The following BAALC variants were observed in gnomAD, a reference collection of about 807,000 sequenced individuals.
BAALC encodes the protein BAALC binder of MAP3K1 and KLF4.
In BAALC, 9 loss-of-function variants were observed where a neutral mutation model predicts 15.5. That is an observed-to-expected ratio of 0.58 (90% CI 0.35 to 1.02). The LOEUF (loss-of-function observed/expected upper bound fraction) is 1.02. Among genes scored for constraint, BAALC ranks in the 50% least tolerant of loss-of-function variants. BAALC has a pLI of 0.02. For missense variants in BAALC, 201 were observed against 192.4 expected (o/e 1.04, Z -0.27); for synonymous variants, 80 against 74.6 (o/e 1.07, Z -0.37).
At chr8:103,225,426 A>C (rs908165850) in intron 2 of BAALC, among the ~76,000 whole-genome samples, 2 of 152,270 alleles carry the variant, frequency 1.3e-5, no homozygotes, top group Non-Finnish European at 2.9e-5. Context: ...CCCTAAACGC[A>C]GAACCTGAGA....
chr8:103,195,216 A>G (rs928267591), intron 1 of BAALC, among the ~76,000 whole-genome samples: 1 of 152,056 alleles, frequency 6.6e-6, no homozygotes, highest in Non-Finnish European at 1.5e-5. Context: ...GAGGGAAGGA[A>G]AGCCCTATAT....
At chr8:103,157,706 T>TAGC (rs1811128739) in intron 1 of BAALC, among the ~76,000 whole-genome samples, 1 of 152,166 alleles carries the variant, frequency 6.6e-6, no homozygotes, top group Non-Finnish European at 1.5e-5. Flanking sequence ...TCCCAGCTAT[T>TAGC]CTGGAGGCTA....
At chr8:103,200,404 T>G (rs1361554692) in intron 1 of BAALC, among the ~76,000 whole-genome samples, 1 of 152,150 alleles carries the variant, frequency 6.6e-6, no homozygotes, top group Non-Finnish European at 1.5e-5. Flanking sequence ...GAGAAAAATT[T>G]AGTGCCAACT....
chr8:103,151,182 T>A (rs970994345), intron 1 of BAALC, among the ~76,000 whole-genome samples: 3 of 152,050 alleles, frequency 2.0e-5, no homozygotes, highest in Non-Finnish European at 2.9e-5. Flanking sequence ...CACGCCCGGC[T>A]AATTTTTTGT....
intron 1 of BAALC, among the ~76,000 whole-genome samples, chr8:103,180,363 T>C (rs1040535137): frequency 5.3e-5 from 8 of 152,178 alleles, no homozygotes; most frequent in Non-Finnish European, 1.0e-4. Context: ...TGGGACTTCC[T>C]GGCTGGCTGC....
intron 1 of BAALC, among the ~76,000 whole-genome samples, chr8:103,174,820 T>G (rs1811573539): frequency 6.6e-6 from 1 of 152,186 alleles, no homozygotes; most frequent in Non-Finnish European, 1.5e-5. Context: ...GGAACATCTT[T>G]TAGCTGAGCA....
chr8:103,194,372 C>A (rs1277711269), intron 1 of BAALC, among the ~76,000 whole-genome samples: 1 of 137,314 alleles, frequency 7.3e-6, no homozygotes, highest in East Asian at 2.2e-4. Context: ...ATAATGTAGT[C>A]TTTTCTTTAA....
chr8:103,155,773 G>A (rs1031924989), intron 1 of BAALC, among the ~76,000 whole-genome samples: 4 of 152,190 alleles, frequency 2.6e-5, no homozygotes, highest in African/African-American at 9.7e-5. Flanking sequence ...ATTTGGTAGT[G>A]GGAGTGCAGC....
At chr8:103,142,052 T>G (rs1433501253) in intron 1 of BAALC, among the ~76,000 whole-genome samples, 1 of 152,250 alleles carries the variant, frequency 6.6e-6, no homozygotes, top group African/African-American at 2.4e-5. Flanking sequence ...ATAAAAATGT[T>G]TTAAGTGTTT....
intron 1 of BAALC, among the ~76,000 whole-genome samples, chr8:103,152,122 T>C (rs920004320): frequency 6.6e-6 from 1 of 152,132 alleles, no homozygotes; most frequent in Non-Finnish European, 1.5e-5. Context: ...TCAGGTCCTG[T>C]CACTCTCTTG....
chr8:103,156,485 T>C (rs1357451565), intron 1 of BAALC, among the ~76,000 whole-genome samples: 1 of 152,192 alleles, frequency 6.6e-6, no homozygotes, highest in Non-Finnish European at 1.5e-5. Flanking sequence ...TGCCTTGGGC[T>C]CTGAGGAATG....
At chr8:103,172,406 T>TC (rs922946117) in intron 1 of BAALC, among the ~76,000 whole-genome samples, 7 of 147,512 alleles carry the variant, frequency 4.7e-5, no homozygotes, top group Non-Finnish European at 6.0e-5. Context: ...TTTTTTTTTT[T>TC]TTTTTTTTGA....
chr8:103,201,387 C>T (rs1445991593), intron 1 of BAALC, among the ~76,000 whole-genome samples: 1 of 151,766 alleles, frequency 6.6e-6, no homozygotes, highest in Non-Finnish European at 1.5e-5. Context: ...AAGGTTGCTG[C>T]TTGTTGGGAT....
intron 1 of BAALC, among the ~76,000 whole-genome samples, chr8:103,191,979 C>T (rs1811977762): frequency 6.6e-6 from 1 of 152,082 alleles, no homozygotes; most frequent in African/African-American, 2.4e-5. Context: ...AGTAGAAAAC[C>T]CACAGCATCA....
rs1400029753 is a variant in BAALC, at chr8:103,228,095, A to G, written c.434A>G (p.Asn145Ser). 1 of 1,603,292 alleles carries G rather than the reference A, an allele frequency of 6.2e-7. No individual in the cohort carries two copies. Among genetic ancestry groups the G allele is most frequent in the Admixed American group, 1.7e-5 (1 of 59,964 alleles). Residue 145 changes from asparagine (N) to serine (S), a missense_variant, in exon 3 of 3, where the codon AAC (asparagine) becomes AGC (serine). Transcript: ENST00000309982. ...RSRRITKNCVN is the reference protein window; with the variant it reads ...RSRRITKNCVS ...CGAAGAATCACAAAGAACTGTGTCA[A>G]CTAGCAGAGAGTCCAAGCAGAAGGG...
At chr8:103,145,899 C>T (rs1342385854) in intron 1 of BAALC, among the ~76,000 whole-genome samples, 2 of 152,090 alleles carry the variant, frequency 1.3e-5, no homozygotes, top group Non-Finnish European at 1.5e-5. Flanking sequence ...TAAATTTCAT[C>T]TTATTGGTTT....
chr8:103,210,694 C>A (rs1003302401), intron 1 of BAALC, among the ~76,000 whole-genome samples: 2 of 152,194 alleles, frequency 1.3e-5, no homozygotes, highest in Non-Finnish European at 2.9e-5. Flanking sequence ...AGTCATTAGG[C>A]ATATAAATAA....
At chr8:103,181,755 A>G (rs1349399612) in intron 1 of BAALC, among the ~76,000 whole-genome samples, 3 of 152,182 alleles carry the variant, frequency 2.0e-5, no homozygotes, top group African/African-American at 7.2e-5. Context: ...ATTAAAACTA[A>G]TATTTATTAG....
rs768612827 is a variant in BAALC at position 103,140,885 on chromosome 8, G to C, written c.-13G>C. 38 of 1,491,032 alleles carry C rather than the reference G, an allele frequency of 2.5e-5. No individual in the cohort carries two copies. Among genetic ancestry groups the C allele is most frequent in the Non-Finnish European group, 3.3e-5 (37 of 1,120,702 alleles). The allele number at this position is 1,491,032 out of a possible 1,614,324, so 92.4% of individuals were successfully genotyped here. A position where few individuals can be genotyped will look rare whatever the true frequency, so the allele number is the denominator to read the frequency against. On this transcript the variant is annotated 5_prime_UTR_variant, in exon 1 of 3. Coordinates refer to ENST00000309982, the MANE Select transcript of BAALC (RefSeq NM_024812.3). This position sits in a 1 kb window ranked among gnomAD's most constrained non-coding sequence, Gnocchi z 4.2. ...AGCCGAGCAGCCGCTGGGCGCTCCC[G>C]CGGCGCAGGAGGATGGGCTGCGGCG...
Sources: allele counts gnomAD v4.1 joint callset (sites outside exome capture counted in the v4.1 genomes callset), GRCh38; gene constraint gnomAD v4.1.1; non-coding constraint Gnocchi (gnomAD v3.1); transcripts MANE v1.5; gene names NCBI Gene and HGNC (gene_info 2026-07-23, HGNC 2026-07-21).